DUS2: variants seen among roughly 807,000 people sequenced by gnomAD.
DUS2 encodes tRNA-dihydrouridine(20) synthase [NAD(P)+]-like.
Under a neutral mutation model 71.3 loss-of-function variants are expected in DUS2, and 52 were observed. The ratio of observed to expected loss-of-function variants is 0.73; its 90% CI spans 0.58 to 0.92. The LOEUF (loss-of-function observed/expected upper bound fraction) is 0.92. DUS2 is among the 40% of genes least tolerant of loss of function. DUS2 has a pLI of 0.00. For missense variants in DUS2, 558 were observed against 622.6 expected, an observed-to-expected ratio of 0.90 and a Z score of 1.10; for synonymous variants, 204 against 227.8, an observed-to-expected ratio of 0.90 and a Z score of 0.94.
Position 68,050,687 on chromosome 16 carries a change from A to C in DUS2, c.172+1137A>C, listed in dbSNP as rs73604361. ...TATCTATATCTATATCTGTATCTAT[A>C]TCTATATCTATATTTATCTATCTCC... On this transcript the variant is annotated intron_variant, in intron 4 of 16. Coordinates refer to ENST00000565263, the MANE Select transcript of DUS2 (RefSeq NM_017803.5). Among the ~76,000 whole-genome samples, 746 of 152,204 alleles carry C rather than the reference A, an allele frequency of 4.9e-3. 7 individuals carry two copies. The highest frequency in any genetic ancestry group is 0.017 in the African/African-American group (706 of 41,542).
intron 3 of DUS2, among the ~76,000 whole-genome samples, chr16:68,043,362 C>T (rs967075057): frequency 1.6e-4 from 24 of 151,594 alleles, no homozygotes; most frequent in African/African-American, 4.6e-4. Context: ...ACTGAGATCA[C>T]GCCATTGCAC....
intron 14 of DUS2, among the ~76,000 whole-genome samples, chr16:68,076,318 G>A (rs189612629): frequency 8.3e-4 from 126 of 152,208 alleles, no homozygotes; most frequent in Non-Finnish European, 1.5e-3. Flanking sequence ...GTCTTGAGTG[G>A]CAAGCTTCCT....
At chr16:68,034,255 A>C (rs1598300377) in intron 2 of DUS2, among the ~76,000 whole-genome samples, 1 of 151,820 alleles carries the variant, frequency 6.6e-6, no homozygotes, top group African/African-American at 2.4e-5. Flanking sequence ...TGTAGAGATG[A>C]GGTCTTGCCA....
In DUS2 at chr16:68,061,075, G is replaced by A. The variant is rs2033933581; in HGVS notation, c.379G>A (p.Gly127Arg). ...GTGTGTTTCTCCTTAGGGAGGAATG[G>A]GAGCTGCCCTGCTGTCAGACCCTGA... Reference protein sequence around the residue: ...PKQYSTKGGMGAALLSDPDKI... With the variant: ...PKQYSTKGGMRAALLSDPDKI... Residue 127 changes from glycine (G) to arginine (R), a missense_variant, in exon 8 of 17, where the codon GGA becomes AGA. Coordinates refer to ENST00000565263, the MANE Select transcript of DUS2 (RefSeq NM_017803.5). The A allele has an allele frequency of 6.2e-7, 1 of 1,613,880 alleles. No individual in the cohort carries two copies. Among genetic ancestry groups the A allele is most frequent in the Admixed American group, 1.7e-5 (1 of 59,974 alleles).
chr16:68,057,669 C>T (rs144223587), intron 7 of DUS2, among the ~76,000 whole-genome samples: 105 of 151,956 alleles, frequency 6.9e-4, no homozygotes, highest in African/African-American at 2.2e-3. Flanking sequence ...CACCTGAGGT[C>T]AGGAGTTTGA....
intron 8 of DUS2, 109 bp downstream of exon 8, chr16:68,061,222 T>C: frequency 8.2e-7 from 1 of 1,220,924 alleles, no homozygotes; most frequent in Non-Finnish European, 1.2e-6. Context: ...CCACCCAGTT[T>C]CTCTCCCTGA....
chr16:68,050,456 A>AT (rs2033763215), intron 4 of DUS2, among the ~76,000 whole-genome samples: 1 of 151,998 alleles, frequency 6.6e-6, no homozygotes, highest in Non-Finnish European at 1.5e-5. Flanking sequence ...AAATGTGTAT[A>AT]TTTTTTTCTG....
At chr16:68,073,598 C>T (rs1022931752) in intron 12 of DUS2, among the ~76,000 whole-genome samples, 2 of 151,932 alleles carry the variant, frequency 1.3e-5, no homozygotes, top group South Asian at 2.1e-4. Flanking sequence ...TACAGGCACC[C>T]GCCACCACGC....
chr16:68,025,929 G>A (rs2033342330), intron 2 of DUS2, among the ~76,000 whole-genome samples: 1 of 152,104 alleles, frequency 6.6e-6, no homozygotes, highest in Non-Finnish European at 1.5e-5. Context: ...CATGTGCCAG[G>A]CATTGGTAGT....
rs1481646512 is a variant in DUS2 at position 68,078,485 on chromosome 16, C to T, written c.1211C>T (p.Thr404Ile). The T allele has an allele frequency of 1.9e-6, 3 of 1,614,016 alleles. No homozygotes were observed. The highest frequency in any genetic ancestry group is 2.5e-6 in the Non-Finnish European group (3 of 1,180,034). The change falls in exon 16 of 17, where the codon ACC becomes ATC. Residue 404 changes from threonine to isoleucine, a missense_variant. Coordinates refer to ENST00000565263, the MANE Select transcript of DUS2 (RefSeq NM_017803.5). ...PLDRLFSSIV[T>I]VAEQKYQSTL... is the part of the protein sequence containing the mutation. ...GATCGCCTGTTCTCCTCTATTGTCACCGTTGCTGAACAAAAGTATCAGTCT... is the reference window on the plus strand; with the variant it reads ...GATCGCCTGTTCTCCTCTATTGTCATCGTTGCTGAACAAAAGTATCAGTCT...
chr16:68,049,591 C>A, intron 4 of DUS2, 41 bp downstream of exon 4: 1 of 1,601,376 alleles, frequency 6.2e-7, no homozygotes, highest in Non-Finnish European at 8.6e-7. Flanking sequence ...ATATGCCCTG[C>A]TGGGCTCAAG....
intron 8 of DUS2, among the ~76,000 whole-genome samples, chr16:68,062,062 G>A (rs1280304666): frequency 6.6e-6 from 1 of 152,138 alleles, no homozygotes; most frequent in South Asian, 2.1e-4. Flanking sequence ...CCAGGCTGGA[G>A]TGCAGTGGCA....
intron 3 of DUS2, among the ~76,000 whole-genome samples, chr16:68,047,660 T>C (rs2033724346): frequency 2.0e-5 from 3 of 151,662 alleles, no homozygotes; most frequent in Admixed American, 2.0e-4. Context: ...ATTTTTGTAT[T>C]TTAGTAGAGA....
At chr16:68,074,235 A>T in intron 13 of DUS2, 80 bp downstream of exon 13, 4 of 1,549,174 alleles carry the variant, frequency 2.6e-6, no homozygotes, top group Non-Finnish European at 3.5e-6. Flanking sequence ...TGACTCCACC[A>T]GGGGACCAGG....
chr16:68,062,844 GC>G (rs2033959137), intron 8 of DUS2, among the ~76,000 whole-genome samples: 1 of 152,034 alleles, frequency 6.6e-6, no homozygotes, highest in Non-Finnish European at 1.5e-5. Context: ...GGTTCAAGGT[GC>G]CTGGGTATAG....
At chr16:68,030,583 T>C (rs1428028165) in intron 2 of DUS2, among the ~76,000 whole-genome samples, 1 of 151,492 alleles carries the variant, frequency 6.6e-6, no homozygotes, top group Non-Finnish European at 1.5e-5. Flanking sequence ...AGAGTGAGAC[T>C]CCATCTCAAA....
intron 2 of DUS2, among the ~76,000 whole-genome samples, chr16:68,028,842 C>T (rs2033396687): frequency 6.6e-6 from 1 of 152,030 alleles, no homozygotes; most frequent in African/African-American, 2.4e-5. Context: ...ATTAATGTGC[C>T]CGAGGCACAG....
Position 68,053,663 on chromosome 16 carries a change from A to G in DUS2, c.264+8A>G. Reference sequence around the variant, plus strand: ...AGGGTGGTCTTCCAGATGGTGAGAGACTCCATTGCTGCATGCCCTCCTGAG... The same window carrying G: ...AGGGTGGTCTTCCAGATGGTGAGAGGCTCCATTGCTGCATGCCCTCCTGAG... On this transcript the variant is annotated splice_region_variant and intron_variant, in intron 5 of 16. Coordinates refer to ENST00000565263, the MANE Select transcript of DUS2 (RefSeq NM_017803.5). 6.2e-7 allele frequency: 1 copy of G among 1,613,830 alleles called. No homozygotes were observed. Among genetic ancestry groups the G allele is most frequent in the Non-Finnish European group, 8.5e-7 (1 of 1,179,886 alleles).
At chr16:68,037,950 C>T (rs1176897395) in intron 2 of DUS2, 56 bp from the exon 3 acceptor site, 11 of 1,562,016 alleles carry the variant, frequency 7.0e-6, no homozygotes, top group Non-Finnish European at 9.6e-6. Flanking sequence ...CTCTTGATAA[C>T]AGGAGAGATT....
Sources: gnomAD v4.1 joint callset for allele counts (sites outside exome capture counted in the v4.1 genomes callset) on GRCh38, gnomAD v4.1.1 for gene constraint, MANE v1.5 for transcripts, NCBI Gene and HGNC (gene_info 2026-07-23, HGNC 2026-07-21) for gene names.